The following CDCA2 variants were observed in gnomAD, a reference collection of about 807,000 sequenced individuals.
CDCA2 encodes the protein cell division cycle-associated protein 2.
CDCA2 carries 44 observed loss-of-function variants against 67.0 expected under a neutral mutation model. That is an observed-to-expected ratio of 0.66 (90% CI 0.52 to 0.84). The LOEUF (loss-of-function observed/expected upper bound fraction) is 0.84. Ranked by LOEUF, CDCA2 falls within the 40% of genes least tolerant of loss-of-function variation. CDCA2 has a pLI of 0.00. For synonymous variants in CDCA2, 447 were observed against 418.7 expected, an observed-to-expected ratio of 1.07 and a Z score of -0.82; for missense variants, 1,253 against 1,203.2, an observed-to-expected ratio of 1.04 and a Z score of -0.61.
chr8:25,479,788 C>A, intron 7 of CDCA2, 125 bp from the exon 8 acceptor site: 1 of 812,704 alleles, frequency 1.2e-6, no homozygotes, highest in Non-Finnish European at 2.0e-6. Context: ...ACTGCCCAAT[C>A]AGGTTATATT....
rs557868250 is a variant in CDCA2 at position 25,484,865 on chromosome 8, T to C, written c.1365+655T>C. Among the ~76,000 whole-genome samples, 24 of 152,294 alleles carry C rather than the reference T, an allele frequency of 1.6e-4. 1 individual carries two copies. The highest frequency in any genetic ancestry group is 5.3e-4 in the African/African-American group (22 of 41,560). On this transcript the variant is annotated intron_variant, in intron 10 of 14. Transcript: ENST00000330560. Reference sequence around the variant, plus strand: ...TCCACAAATTGAAGGGGTAGGTTAATTGATGTCAGCATTGTGATTTCAGCA... The same window carrying C: ...TCCACAAATTGAAGGGGTAGGTTAACTGATGTCAGCATTGTGATTTCAGCA...
intron 10 of CDCA2, among the ~76,000 whole-genome samples, chr8:25,484,796 C>T (rs946013454): frequency 2.6e-5 from 4 of 151,940 alleles, no homozygotes; most frequent in African/African-American, 9.7e-5. Flanking sequence ...ATGAATACTA[C>T]CAAACACTTG....
rs537909463 is a variant in CDCA2 at position 25,506,891 on chromosome 8, G to T, written c.2225G>T (p.Gly742Val). ...TLQQGQEFSA[G>V]GQNAENLCQF... The stretch of plus-strand genomic sequence containing the variant: ...CAGCAGGGTCAAGAATTTTCTGCTG[G>T]TGGTCAAAATGCAGAAAACCTTTGT... Residue 742 changes from glycine (G) to valine (V), a missense_variant, in exon 15 of 15, where the codon GGT becomes GTT. Physicochemically the swap from Gly to Val is moderately radical, Grantham distance 109. Transcript: ENST00000330560. The T allele has an allele frequency of 6.2e-7, 1 of 1,611,830 alleles. No homozygotes were observed. Among genetic ancestry groups the T allele is most frequent in the South Asian group, 1.1e-5 (1 of 90,652 alleles).
chr8:25,464,516 A>G (rs1158381523), intron 4 of CDCA2, among the ~76,000 whole-genome samples: 3 of 152,256 alleles, frequency 2.0e-5, no homozygotes, highest in Non-Finnish European at 4.4e-5. Context: ...TCCTAAAACA[A>G]AAACATCAAA....
In CDCA2 at chr8:25,492,932, C is replaced by A. The variant is rs1372756296; in HGVS notation, c.1671+4243C>A. 3.9e-5 allele frequency among the ~76,000 whole-genome samples: 6 copies of A among 152,276 alleles called. No individual in the cohort carries two copies. In the East Asian group the frequency reaches 1.2e-3, roughly 29 times the overall value. On this transcript the variant is annotated intron_variant, in intron 13 of 14. Coordinates refer to ENST00000330560, the MANE Select transcript of CDCA2 (RefSeq NM_152562.4). Reference sequence around the variant, plus strand: ...GACCCCTGGGTTTAAATCCTGGGTTCATTCCTGCCTCCAGTGCAATGCTGG... The same window carrying A: ...GACCCCTGGGTTTAAATCCTGGGTTAATTCCTGCCTCCAGTGCAATGCTGG...
At chr8:25,479,695 C>A (rs1803490502) in intron 7 of CDCA2, 1 of 551,394 alleles carries the variant, frequency 1.8e-6, no homozygotes, top group South Asian at 2.0e-5. Context: ...CCACTTTACC[C>A]TTCGTAGTCC....
chr8:25,469,099 A>G (rs1209098761), intron 6 of CDCA2, among the ~76,000 whole-genome samples: 1 of 152,224 alleles, frequency 6.6e-6, no homozygotes, highest in Non-Finnish European at 1.5e-5. Context: ...TTCTTACTTC[A>G]TGCTTCTAGT....
chr8:25,482,777 G>C (rs562663571), intron 8 of CDCA2, among the ~76,000 whole-genome samples: 13 of 152,294 alleles, frequency 8.5e-5, no homozygotes, highest in Admixed American at 8.5e-4. Flanking sequence ...GGCTGAGGTA[G>C]GAGAATGGCT....
intron 8 of CDCA2, among the ~76,000 whole-genome samples, chr8:25,480,948 T>A (rs1294270953): frequency 6.6e-6 from 1 of 152,172 alleles, no homozygotes; most frequent in East Asian, 1.9e-4. Flanking sequence ...TCACCACGAG[T>A]GTCTGGCACT....
At chr8:25,491,832 G>T (rs1804016097) in intron 13 of CDCA2, among the ~76,000 whole-genome samples, 1 of 151,696 alleles carries the variant, frequency 6.6e-6, no homozygotes, top group Non-Finnish European at 1.5e-5. Context: ...CTCTTGCTCT[G>T]TTGCCCAGGC....
At chr8:25,479,647 C>G (rs901658356) in intron 7 of CDCA2, 1 of 477,224 alleles carries the variant, frequency 2.1e-6, no homozygotes, top group South Asian at 2.1e-5. Flanking sequence ...CTTTCAACCT[C>G]TGACTCAGAG....
At position 25,488,672 on chromosome 8, in the gene CDCA2, C is replaced by T. The variant is rs773405917; in HGVS notation, c.1654C>T (p.Leu552Phe). The change falls in exon 13 of 15, where the codon CTT (leucine) becomes TTT (phenylalanine). Residue 552 changes from leucine (L) to phenylalanine (F), a missense_variant. Transcript: ENST00000330560. ...SQETKCTKRA[L>F]PKKSQVLKSC... ...AGAAACAAAGTGTACAAAGAGAGCACTTCCTAAGAAGAGTCAGGTAAGCAT... is the reference window on the plus strand; with the variant it reads ...AGAAACAAAGTGTACAAAGAGAGCATTTCCTAAGAAGAGTCAGGTAAGCAT... The T allele has an allele frequency of 6.2e-7, 1 of 1,607,872 alleles. No homozygotes were observed. The highest frequency in any genetic ancestry group is 8.5e-7 in the Non-Finnish European group (1 of 1,177,912).
At chr8:25,481,534 CA>C in intron 8 of CDCA2, among the ~76,000 whole-genome samples, 1 of 151,868 alleles carries the variant, frequency 6.6e-6, no homozygotes, top group East Asian at 1.9e-4. Flanking sequence ...ACTAAAAATA[CA>C]AAAAATTAGC....
chr8:25,494,637 C>T (rs1425541539), intron 13 of CDCA2, among the ~76,000 whole-genome samples: 3 of 152,110 alleles, frequency 2.0e-5, no homozygotes, highest in East Asian at 3.9e-4. Flanking sequence ...ATGAAAAAAG[C>T]ATGTTATAAA....
chr8:25,481,492 C>T (rs758305488), intron 8 of CDCA2, among the ~76,000 whole-genome samples: 4 of 152,038 alleles, frequency 2.6e-5, no homozygotes, highest in South Asian at 2.1e-4. Flanking sequence ...AGATAGAGAC[C>T]GTCCTGGCTG....
chr8:25,484,659 A>AT (rs1803699252), intron 10 of CDCA2, among the ~76,000 whole-genome samples: 1 of 145,984 alleles, frequency 6.9e-6, no homozygotes, highest in African/African-American at 2.6e-5. Context: ...TGGTGCGGTC[A>AT]TGGCTCACTG....
upstream of CDCA2, chr8:25,459,204 G>A (rs1802565904): frequency 6.5e-6 from 1 of 152,810 alleles, no homozygotes; most frequent in Non-Finnish European, 1.5e-5. Context: ...TCGGGGATTT[G>A]AATCGGTCGG....
chr8:25,474,281 C>T (rs1352030616), intron 7 of CDCA2, among the ~76,000 whole-genome samples: 1 of 152,122 alleles, frequency 6.6e-6, no homozygotes, highest in Non-Finnish European at 1.5e-5. Flanking sequence ...TAGTGCTAAC[C>T]TTGTAAAATG....
At chr8:25,498,154 A>G (rs1416764325) in intron 13 of CDCA2, among the ~76,000 whole-genome samples, 1 of 152,136 alleles carries the variant, frequency 6.6e-6, no homozygotes, top group East Asian at 1.9e-4. Context: ...AACTTTGAGG[A>G]GATACTAGGG....
Sources: gnomAD v4.1 joint callset for allele counts (sites outside exome capture counted in the v4.1 genomes callset) on GRCh38, gnomAD v4.1.1 for gene constraint, MANE v1.5 for transcripts, NCBI Gene and HGNC (gene_info 2026-07-23, HGNC 2026-07-21) for gene names.